BLOC1S3: variants seen among roughly 807,000 people sequenced by gnomAD.
BLOC1S3 encodes biogenesis of lysosomal organelles complex 1 subunit 3, also known as biogenesis of lysosome-related organelles complex 1 subunit 3.
In BLOC1S3, 7 loss-of-function variants were observed where a neutral mutation model predicts 9.1. The ratio of observed to expected loss-of-function variants is 0.77; its 90% CI spans 0.44 to 1.45. The LOEUF (loss-of-function observed/expected upper bound fraction) is 1.45. Among genes scored for constraint, BLOC1S3 ranks in the 40% most tolerant of loss-of-function variants. BLOC1S3 has a pLI of 0.01. For missense variants in BLOC1S3, 307 were observed against 315.2 expected (o/e 0.97, Z 0.20); for synonymous variants, 145 against 158.4 (o/e 0.92, Z 0.64).
At chr19:45,199,521 G>A (rs2122923343) in intron 2 of BLOC1S3, among the ~76,000 whole-genome samples, 2 of 151,700 alleles carry the variant, frequency 1.3e-5, no homozygotes, top group South Asian at 4.2e-4. Context: ...TCACCATGTT[G>A]GCCAGGATGG....
Position 45,207,347 on chromosome 19 carries a change from G to C in BLOC1S3, n.282+4840G>C, listed in dbSNP as rs574512705. 3.6e-3 allele frequency among the ~76,000 whole-genome samples: 546 copies of C among 151,170 alleles called. 2 individuals are homozygous for C. The highest frequency in any genetic ancestry group is 0.024 in the Middle Eastern group (7 of 292). ...GGGGTTTCGCCATGTTGGCCAGGCT[G>C]GTCTCAAACTCCTGACCTAAGGTGA... On this transcript the variant is annotated intron_variant and non_coding_transcript_variant, in intron 3 of 3. Coordinates refer to the BLOC1S3 transcript ENST00000591569.
At position 45,179,554 on chromosome 19, in the gene BLOC1S3, G is replaced by A. The variant is rs1298752529; in HGVS notation, c.258G>A (p.Gln86=). Residue 86 remains glutamine (Q), a synonymous_variant, in exon 2 of 2, where the codon CAG becomes CAA. Transcript: ENST00000433642. This position sits in a 1 kb window ranked among gnomAD's most constrained non-coding sequence, Gnocchi z 4.6. Reference sequence around the variant, plus strand: ...GGGACCTGCCTCCACTCGTGGTGCAGCGGGAATCGGCGGAGGAGGCCTGGG... The same window carrying A: ...GGGACCTGCCTCCACTCGTGGTGCAACGGGAATCGGCGGAGGAGGCCTGGG... ...APRDLPPLVV[Q]RESAEEAWGT... 4.0e-6 allele frequency: 6 copies of A among 1,518,572 alleles called. No individual in the cohort carries two copies. Among genetic ancestry groups the A allele is most frequent in the Non-Finnish European group, 5.3e-6 (6 of 1,140,714 alleles). 94.1% of individuals were successfully genotyped at this position (1,518,572 alleles called of 1,614,324 possible).
chr19:45,194,166 G>A (rs1183344324), intron 2 of BLOC1S3, among the ~76,000 whole-genome samples: 2 of 115,120 alleles, frequency 1.7e-5, no homozygotes, highest in Non-Finnish European at 3.5e-5. Context: ...AGGCTAGAGT[G>A]CAGTGGCACG....
At chr19:45,184,670 G>A (rs1457372682), downstream of BLOC1S3, among the ~76,000 whole-genome samples, 5 of 152,098 alleles carry the variant, frequency 3.3e-5, no homozygotes, top group Non-Finnish European at 7.4e-5. Flanking sequence ...GGAGGCCGAG[G>A]TTGGTGGATC....
intron 2 of BLOC1S3, among the ~76,000 whole-genome samples, chr19:45,191,185 C>T (rs765095743): frequency 2.0e-4 from 31 of 151,816 alleles, no homozygotes; most frequent in Admixed American, 1.2e-3. Flanking sequence ...TGCAATGGCA[C>T]GATCTCGGCT....
At chr19:45,193,165 C>G (rs1178633008) in intron 2 of BLOC1S3, among the ~76,000 whole-genome samples, 2 of 126,020 alleles carry the variant, frequency 1.6e-5, no homozygotes, top group Non-Finnish European at 1.7e-5. Context: ...AAAAAAGAGA[C>G]TATTTTTGCT....
At chr19:45,196,428 G>A (rs1025869668) in intron 2 of BLOC1S3, among the ~76,000 whole-genome samples, 25 of 152,078 alleles carry the variant, frequency 1.6e-4, no homozygotes, top group Non-Finnish European at 3.5e-4. Context: ...GAGCTAGGAG[G>A]TCTGAGGTCA....
downstream of BLOC1S3, among the ~76,000 whole-genome samples, chr19:45,184,608 A>G (rs1414936107): frequency 6.6e-6 from 1 of 152,100 alleles, no homozygotes; most frequent in Non-Finnish European, 1.5e-5. Context: ...CTTGTCTCAA[A>G]ATAAAAAAGG....
intron 2 of BLOC1S3, among the ~76,000 whole-genome samples, chr19:45,191,024 C>G (rs1969603466): frequency 6.6e-6 from 1 of 151,074 alleles, no homozygotes; most frequent in Non-Finnish European, 1.5e-5. Context: ...TCAGGATGGT[C>G]TCGATCTCCT....
At chr19:45,208,146 T>C (rs938538684) in intron 3 of BLOC1S3, among the ~76,000 whole-genome samples, 1 of 151,740 alleles carries the variant, frequency 6.6e-6, no homozygotes, top group Non-Finnish European at 1.5e-5. Context: ...AGCTAAGTTT[T>C]GTATTTTTAG....
At chr19:45,196,309 T>C (rs1214893503) in intron 2 of BLOC1S3, among the ~76,000 whole-genome samples, 1 of 151,960 alleles carries the variant, frequency 6.6e-6, no homozygotes. Flanking sequence ...GCCCAGGAGA[T>C]GGAGGTTGCA....
chr19:45,188,552 T>TATTATC (rs1555753070), intron 2 of BLOC1S3, among the ~76,000 whole-genome samples: 13 of 94,428 alleles, frequency 1.4e-4, no homozygotes, highest in African/African-American at 3.4e-4. Context: ...TCTTTCTAAT[T>TATTATC]ATTATTATTA....
At chr19:45,192,446 A>G (rs1397979009) in intron 2 of BLOC1S3, among the ~76,000 whole-genome samples, 1 of 152,054 alleles carries the variant, frequency 6.6e-6, no homozygotes, top group Non-Finnish European at 1.5e-5. Context: ...AAGCTGCCAG[A>G]CAAAGGCCCC....
intron 3 of BLOC1S3, chr19:45,216,203 G>A (rs1969833088): frequency 6.2e-7 from 1 of 1,613,302 alleles, no homozygotes; most frequent in South Asian, 1.1e-5. Flanking sequence ...TCCTGCAGGG[G>A]AGGGAGGGTG....
Position 45,179,313 on chromosome 19 carries a change from G to T in BLOC1S3, c.17G>T (p.Arg6Leu). 1 of 1,583,046 alleles carries T rather than the reference G, an allele frequency of 6.3e-7. No individual in the cohort carries two copies. The highest frequency in any genetic ancestry group is 8.5e-7 in the Non-Finnish European group (1 of 1,173,324). The change falls in exon 2 of 2, where the codon CGT becomes CTT. Residue 6 changes from arginine (R) to leucine (L), a missense_variant. Coordinates refer to ENST00000433642, the MANE Select transcript of BLOC1S3 (RefSeq NM_212550.5). This position sits in a 1 kb window ranked among gnomAD's most constrained non-coding sequence, Gnocchi z 4.6. Reference sequence around the variant, plus strand: ...TTCGGTGCCATGGCGTCCCAGGGTCGTCGGCGGAGGCCCCTGCGGAGGCCG... The same window carrying T: ...TTCGGTGCCATGGCGTCCCAGGGTCTTCGGCGGAGGCCCCTGCGGAGGCCG... MASQG[R>L]RRRPLRRPET...
intron 3 of BLOC1S3, among the ~76,000 whole-genome samples, chr19:45,204,429 G>A (rs993266730): frequency 6.6e-6 from 1 of 151,990 alleles, no homozygotes; most frequent in Admixed American, 6.6e-5. Context: ...CTGACCTCAG[G>A]TGATCCATGT....
At chr19:45,204,658 A>C (rs560791860) in intron 3 of BLOC1S3, among the ~76,000 whole-genome samples, 5 of 152,044 alleles carry the variant, frequency 3.3e-5, no homozygotes, top group East Asian at 1.9e-4. Context: ...CCAGTTATCT[A>C]TCTCTCTCTC....
intron 3 of BLOC1S3, chr19:45,213,368 AG>A: frequency 6.2e-7 from 1 of 1,612,024 alleles, no homozygotes; most frequent in South Asian, 1.1e-5. Context: ...CTGTGGGGAG[AG>A]GAACAGACAG....
intron 2 of BLOC1S3, among the ~76,000 whole-genome samples, chr19:45,188,337 C>T (rs1969580988): frequency 1.3e-5 from 2 of 150,434 alleles, no homozygotes; most frequent in Non-Finnish European, 3.0e-5. Context: ...ACACCCTTTT[C>T]GTTATTTTTT....
Sources: allele counts gnomAD v4.1 joint callset (sites outside exome capture counted in the v4.1 genomes callset), GRCh38; gene constraint gnomAD v4.1.1; non-coding constraint Gnocchi (gnomAD v3.1); transcripts MANE v1.5; gene names NCBI Gene and HGNC (gene_info 2026-07-23, HGNC 2026-07-21).